The following DYNC2H1 variants were observed in gnomAD, a reference collection of about 807,000 sequenced individuals.
DYNC2H1 encodes the protein cytoplasmic dynein 2 heavy chain 1.
A neutral mutation model predicts 570.0 loss-of-function variants in DYNC2H1; 410 were observed. That is an observed-to-expected ratio of 0.72 (90% CI 0.66 to 0.78). The LOEUF (loss-of-function observed/expected upper bound fraction) is 0.78. Ranked by LOEUF, DYNC2H1 falls within the 30% of genes least tolerant of loss-of-function variation. The pLI is 0.00. For missense variants in DYNC2H1, 4,865 were observed against 5,046.4 expected, an observed-to-expected ratio of 0.96 and a Z score of 1.09; for synonymous variants, 1,688 against 1,677.6, an observed-to-expected ratio of 1.01 and a Z score of -0.15.
chr11:103,337,438 T>C (rs1310360995), intron 82 of DYNC2H1, among the ~76,000 whole-genome samples: 4 of 152,188 alleles, frequency 2.6e-5, no homozygotes, highest in African/African-American at 9.7e-5. Context: ...GTATTTCTAT[T>C]TTTGGTTTTT....
intron 83 of DYNC2H1, among the ~76,000 whole-genome samples, chr11:103,375,164 C>A (rs759860601): frequency 6.6e-6 from 1 of 152,192 alleles, no homozygotes; most frequent in Non-Finnish European, 1.5e-5. Flanking sequence ...CAAGCCTTGG[C>A]AACTTCCACA....
intron 83 of DYNC2H1, among the ~76,000 whole-genome samples, chr11:103,361,307 G>A (rs1163173185): frequency 6.6e-6 from 1 of 152,120 alleles, no homozygotes; most frequent in Non-Finnish European, 1.5e-5. Context: ...CTTCCTCCAC[G>A]TGAGGACACT....
chr11:103,394,394 A>G (rs1243058577), intron 83 of DYNC2H1, among the ~76,000 whole-genome samples: 1 of 152,160 alleles, frequency 6.6e-6, no homozygotes, highest in African/African-American at 2.4e-5. Flanking sequence ...ATGCTTACTT[A>G]CATTGTATTA....
At chr11:103,476,528 C>G (rs1945552669) in intron 88 of DYNC2H1, among the ~76,000 whole-genome samples, 1 of 152,162 alleles carries the variant, frequency 6.6e-6, no homozygotes, top group South Asian at 2.1e-4. Context: ...AGCTGAATAA[C>G]TGACAAGCTC....
intron 30 of DYNC2H1, among the ~76,000 whole-genome samples, chr11:103,164,161 T>C (rs1861206616): frequency 6.6e-6 from 1 of 152,110 alleles, no homozygotes; most frequent in Admixed American, 6.6e-5. Context: ...TAAATCAACT[T>C]AGAATAAAAG....
At chr11:103,330,191 G>GAA (rs1938704058) in intron 82 of DYNC2H1, among the ~76,000 whole-genome samples, 1 of 152,164 alleles carries the variant, frequency 6.6e-6, no homozygotes, top group Admixed American at 6.5e-5. Flanking sequence ...TGGTAAAATA[G>GAA]AAACATGTAT....
At chr11:103,386,304 T>C (rs569369231) in intron 83 of DYNC2H1, among the ~76,000 whole-genome samples, 56 of 152,290 alleles carry the variant, frequency 3.7e-4, no homozygotes, top group African/African-American at 1.1e-3. Flanking sequence ...GGTGATGTTA[T>C]GTGGTATTGG....
chr11:103,234,165 G>T lies in DYNC2H1; in HGVS notation c.9567+5G>T. The T allele has an allele frequency of 1.9e-6, 3 of 1,582,846 alleles. No homozygotes were observed. The highest frequency in any genetic ancestry group is 2.6e-6 in the Non-Finnish European group (3 of 1,163,064). ...CATAAGAGATGGAATGCACAGGTTT[G>T]TTTGAGAGAGGGGCCATGAGGAGTC... On this transcript the variant is annotated splice_donor_5th_base_variant and intron_variant, in intron 61 of 88. Coordinates refer to ENST00000375735, the MANE Select transcript of DYNC2H1 (RefSeq NM_001377.3).
At position 103,289,986 on chromosome 11, in the gene DYNC2H1, C is replaced by T. The variant is rs1866527060; in HGVS notation, c.11095+2381C>T. Among the ~76,000 whole-genome samples the T allele has an allele frequency of 6.6e-6, 1 of 151,848 alleles. No individual in the cohort carries two copies. On this transcript the variant is annotated intron_variant, in intron 75 of 88. Transcript: ENST00000375735. The surrounding 1 kb of genome is among the most constrained non-coding windows in gnomAD (Gnocchi z 4.2). ...AGTTGTGCAACTGCAAGCCAAGGAA[C>T]ACTGAAGATTTTTAGTCAACCACGA...
At chr11:103,328,327 C>T (rs1238479449) in intron 82 of DYNC2H1, among the ~76,000 whole-genome samples, 1 of 152,074 alleles carries the variant, frequency 6.6e-6, no homozygotes, top group Middle Eastern at 3.4e-3. Flanking sequence ...ATCATTTTAA[C>T]GTTTTATTTT....
chr11:103,342,530 G>T (rs1206284385), intron 82 of DYNC2H1, among the ~76,000 whole-genome samples: 5 of 145,336 alleles, frequency 3.4e-5, no homozygotes, highest in African/African-American at 1.3e-4. Context: ...TGAGATGGGG[G>T]CTCGCTCTGT....
In DYNC2H1 at chr11:103,353,634, CT is replaced by C. The variant is rs1222950201; in HGVS notation, c.12040-4608del. On this transcript the variant is annotated intron_variant, in intron 82 of 88. Coordinates refer to ENST00000375735, the MANE Select transcript of DYNC2H1 (RefSeq NM_001377.3). ...TCAATAGATAGTGATGCTTTTTTCC[CT>C]GTAATACTTTTTGCTTTAAATTTTG... Among the ~76,000 whole-genome samples, 7 of 152,042 alleles carry C rather than the reference CT, an allele frequency of 4.6e-5. No homozygotes were observed. In the East Asian group the frequency reaches 1.4e-3, roughly 29 times the overall value.
chr11:103,327,031 G>A (rs945364664), intron 82 of DYNC2H1, among the ~76,000 whole-genome samples: 10 of 152,176 alleles, frequency 6.6e-5, no homozygotes, highest in Admixed American at 2.0e-4. Context: ...GTGAGGGTGA[G>A]ATGTCCCTCA....
rs60223334 is a variant in DYNC2H1 at position 103,423,408 on chromosome 11, T to TAAA, written c.12367-12507_12367-12505dup. On this transcript the variant is annotated intron_variant, in intron 84 of 88. Coordinates refer to ENST00000375735, the MANE Select transcript of DYNC2H1 (RefSeq NM_001377.3). ...ATTAAATAGCCAAAAGCCAAAAAAG[T>TAAA]AAAAAAAAAAAAAAAAAAAAAAAAA... 2.0e-3 allele frequency among the ~76,000 whole-genome samples: 243 copies of TAAA among 120,196 alleles called. 6 individuals carry two copies. Among genetic ancestry groups the TAAA allele is most frequent in the African/African-American group, 5.5e-3 (199 of 36,484 alleles). The allele number at this position is 120,196 out of a possible 152,430, so 78.9% of individuals were successfully genotyped here.
rs780342782 is a variant in DYNC2H1 at position 103,168,707 on chromosome 11, C to T, written c.4763-48C>T. 3 of 1,562,480 alleles carry T rather than the reference C, an allele frequency of 1.9e-6. No homozygotes were observed. In the South Asian group the frequency reaches 3.4e-5, roughly 18 times the overall value. On this transcript the variant is annotated intron_variant, in intron 31 of 88. Transcript: ENST00000375735. ...ACACGTAATCATAAATTATATAAAT[C>T]ACAGGCTAACATTTTCTCCAATTGT...
In DYNC2H1 at chr11:103,186,360, C is replaced by T. The variant is rs1205941123; in HGVS notation, c.6752C>T (p.Ala2251Val). The T allele has an allele frequency of 1.2e-6, 2 of 1,612,710 alleles. No homozygotes were observed. The highest frequency in any genetic ancestry group is 2.2e-5 in the East Asian group (1 of 44,824). ...CTTAAGAAGCCAGAAGACTTGACTG[C>T]TGATGATTTCAGTAACGGCTTAACT... is the stretch of plus-strand genomic sequence containing the variant. Reference protein sequence around the residue: ...YVLKKPEDLTADDFSNGLTLP... With the variant: ...YVLKKPEDLTVDDFSNGLTLP... The change falls in exon 42 of 89, where the codon GCT becomes GTT. Residue 2251 changes from alanine to valine, a missense_variant. Ala to Val is a moderately conservative substitution (Grantham distance 64). Coordinates refer to ENST00000375735, the MANE Select transcript of DYNC2H1 (RefSeq NM_001377.3). This position sits in a 1 kb window ranked among gnomAD's most constrained non-coding sequence, Gnocchi z 4.5.
At chr11:103,161,389 G>C (rs1002453873) in intron 29 of DYNC2H1, among the ~76,000 whole-genome samples, 1 of 152,100 alleles carries the variant, frequency 6.6e-6, no homozygotes, top group Non-Finnish European at 1.5e-5. Flanking sequence ...TACAGGTGGA[G>C]TATGTCTTAT....
In DYNC2H1 at chr11:103,181,536, C is replaced by T. The variant is rs1049144019; in HGVS notation, c.6348-221C>T. ...AAATGACATATATATGTATATATAC[C>T]TATATGCATGTGTGTTTGTATATAT... On this transcript the variant is annotated intron_variant, in intron 39 of 88. Coordinates refer to ENST00000375735, the MANE Select transcript of DYNC2H1 (RefSeq NM_001377.3). This position sits in a 1 kb window ranked among gnomAD's most constrained non-coding sequence, Gnocchi z 5.0. Among the ~76,000 whole-genome samples, 2 of 150,862 alleles carry T rather than the reference C, an allele frequency of 1.3e-5. No homozygotes were observed. The highest frequency in any genetic ancestry group is 4.9e-5 in the African/African-American group (2 of 41,028).
chr11:103,432,814 A>G (rs2135745554), intron 84 of DYNC2H1, among the ~76,000 whole-genome samples: 1 of 152,288 alleles, frequency 6.6e-6, no homozygotes, highest in Non-Finnish European at 1.5e-5. Context: ...GATTATTTTG[A>G]GGACTATATG....
Sources: gnomAD v4.1 joint callset for allele counts (sites outside exome capture counted in the v4.1 genomes callset) on GRCh38, gnomAD v4.1.1 for gene constraint, Gnocchi (gnomAD v3.1) non-coding constraint, MANE v1.5 for transcripts, NCBI Gene and HGNC (gene_info 2026-07-23, HGNC 2026-07-21) for gene names.